The following CLEC16A variants were observed in gnomAD, a reference collection of about 807,000 sequenced individuals.
The protein encoded by CLEC16A is C-type lectin domain containing 16A.
In CLEC16A, 51 loss-of-function variants were observed where a neutral mutation model predicts 109.5. That is an observed-to-expected ratio of 0.47 (90% CI 0.37 to 0.59). CLEC16A has a LOEUF of 0.59. Ranked by LOEUF, CLEC16A falls within the 20% of genes least tolerant of loss-of-function variation. The pLI is 0.00. For synonymous variants in CLEC16A, 673 were observed against 564.2 expected, an observed-to-expected ratio of 1.19 and a Z score of -2.73; for missense variants, 1,339 against 1,394.0, an observed-to-expected ratio of 0.96 and a Z score of 0.63.
intron 12 of CLEC16A, among the ~76,000 whole-genome samples, chr16:11,022,826 G>A (rs1314997166): frequency 6.6e-6 from 1 of 150,430 alleles, no homozygotes; most frequent in African/African-American, 2.4e-5. Flanking sequence ...GTGAACCCGG[G>A]AGGCAGAGCT....
chr16:11,097,128 C>T (rs1165749191), intron 19 of CLEC16A, among the ~76,000 whole-genome samples: 2 of 152,194 alleles, frequency 1.3e-5, no homozygotes, highest in Non-Finnish European at 2.9e-5. Flanking sequence ...TCTCTACACC[C>T]AACCATGAGA....
intron 11 of CLEC16A, among the ~76,000 whole-genome samples, chr16:11,007,820 G>A (rs1257030283): frequency 6.6e-6 from 1 of 152,098 alleles, no homozygotes; most frequent in Non-Finnish European, 1.5e-5. Flanking sequence ...ATGTATGTGT[G>A]TGTGTAATGG....
Position 10,972,693 on chromosome 16 carries a change from T to C in CLEC16A, c.604+134T>C. On this transcript the variant is annotated intron_variant, in intron 6 of 23. Transcript: ENST00000409790. ...ATAAGTAGGCTCTCCCATGCACCAT[T>C]AATGTTTAGCCCAACTAATTTATTT... 3.4e-6 allele frequency: 3 copies of C among 885,506 alleles called. No individual in the cohort carries two copies. The East Asian group carries it at 7.8e-5, about 23-fold the overall frequency. The allele number at this position is 885,506 out of a possible 1,614,324, so 54.9% of individuals were successfully genotyped here.
chr16:11,151,412 A>G lies in CLEC16A; in HGVS notation c.2642-14976A>G, dbSNP rs114082350. Among the ~76,000 whole-genome samples the G allele has an allele frequency of 8.7e-3, 1,325 of 151,876 alleles. 21 individuals are homozygous for G. The highest frequency in any genetic ancestry group is 0.03 in the African/African-American group (1,254 of 41,392). ...CTTCATTCACCTGGGCTCTCAGATG[A>G]CTCCTGCCCAGTGCTCCAGGCTGAA... On this transcript the variant is annotated intron_variant, in intron 22 of 23. Transcript: ENST00000409790.
At chr16:10,989,090 A>G (rs962675268) in intron 10 of CLEC16A, among the ~76,000 whole-genome samples, 2 of 152,160 alleles carry the variant, frequency 1.3e-5, no homozygotes, top group South Asian at 4.1e-4. Context: ...TGAAACACCA[A>G]TGTTAGCCAT....
intron 19 of CLEC16A, among the ~76,000 whole-genome samples, chr16:11,083,977 GC>G (rs1162197297): frequency 1.3e-5 from 2 of 152,144 alleles, no homozygotes; most frequent in African/African-American, 4.8e-5. Flanking sequence ...CTCTGTCCCA[GC>G]CCCCCATTGC....
At chr16:11,154,657 G>A (rs1340388344) in intron 22 of CLEC16A, among the ~76,000 whole-genome samples, 1 of 152,234 alleles carries the variant, frequency 6.6e-6, no homozygotes, top group African/African-American at 2.4e-5. Context: ...AGGCGTGGGG[G>A]CTCACATCTG....
intron 19 of CLEC16A, among the ~76,000 whole-genome samples, chr16:11,081,070 G>A (rs2049685651): frequency 6.6e-6 from 1 of 152,224 alleles, no homozygotes; most frequent in East Asian, 1.9e-4. Flanking sequence ...GAGGAAGCCT[G>A]GAGAACTAAG....
In CLEC16A at chr16:11,121,879, C is replaced by CAAA. The variant is rs536067685; in HGVS notation, c.2268+1139_2268+1141dup. On this transcript the variant is annotated intron_variant, in intron 20 of 23. Coordinates refer to ENST00000409790, the MANE Select transcript of CLEC16A (RefSeq NM_015226.3). ...TGGGCGGCAGAGTGAGACCCTGTCT[C>CAAA]AAAAAAAAAAAAAAAAAAAAAAAAA... 1.4e-3 allele frequency among the ~76,000 whole-genome samples: 42 copies of CAAA among 29,804 alleles called. 6 individuals carry two copies. Among genetic ancestry groups the CAAA allele is most frequent in the African/African-American group, 3.3e-3 (22 of 6,724 alleles). The allele number at this position is 29,804 out of a possible 152,430, so 19.6% of individuals were successfully genotyped here.
intron 13 of CLEC16A, chr16:11,027,544 A>G: frequency 6.4e-7 from 1 of 1,557,864 alleles, no homozygotes; most frequent in South Asian, 1.1e-5. Context: ...ACAGTGATTG[A>G]GGAGCACCTG....
rs773061498 is a variant in CLEC16A at position 11,003,177 on chromosome 16, A to G, written c.1175A>G (p.Asn392Ser). The G allele has an allele frequency of 4.3e-6, 7 of 1,613,660 alleles. No homozygotes were observed. The East Asian group carries it at 1.3e-4, about 31-fold the overall frequency. Residue 392 changes from asparagine to serine, a missense_variant, in exon 11 of 24, where the codon AAC becomes AGC. Asn to Ser is a conservative substitution (Grantham distance 46). Around this residue, in one of 3 missense-constraint regions of CLEC16A, gnomAD observed 1,061 missense variants for 1,006.8 expected, o/e 1.05. Coordinates refer to ENST00000409790, the MANE Select transcript of CLEC16A (RefSeq NM_015226.3). ...AAGAGGCGGGTGCAAAAGAGACCCA[A>G]CTACAAAAACGTTGGGGAAGAAGAA... ...KGKRRVQKRP[N>S]YKNVGEEEDE...
intron 1 of CLEC16A, among the ~76,000 whole-genome samples, chr16:10,951,631 G>A (rs1167318059): frequency 6.6e-6 from 1 of 152,186 alleles, no homozygotes; most frequent in Non-Finnish European, 1.5e-5. Flanking sequence ...GGGATTAAAC[G>A]AAGCACTCAG....
intron 22 of CLEC16A, among the ~76,000 whole-genome samples, chr16:11,153,996 T>C (rs2054402372): frequency 6.6e-6 from 1 of 152,202 alleles, no homozygotes; most frequent in Non-Finnish European, 1.5e-5. Flanking sequence ...CAACCTTATT[T>C]CTAAGCATTT....
Position 11,178,705 on chromosome 16 carries a change from C to T in CLEC16A, c.*15C>T. The T allele has an allele frequency of 6.9e-7, 1 of 1,457,552 alleles. No homozygotes were observed. The highest frequency in any genetic ancestry group is 1.4e-5 in the South Asian group (1 of 72,160). 90.3% of individuals were successfully genotyped at this position (1,457,552 alleles called of 1,614,324 possible). A position where few individuals can be genotyped will look rare whatever the true frequency, so the allele number is the denominator to read the frequency against. ...CTGAGGACTGAGTCAGTGCCGGGGC[C>T]TCCCTTTGTGTGTGTGGCCCCGCTG... On this transcript the variant is annotated 3_prime_UTR_variant, in exon 24 of 24. Transcript: ENST00000409790. The surrounding 1 kb of genome is among the most constrained non-coding windows in gnomAD (Gnocchi z 6.5).
intron 19 of CLEC16A, among the ~76,000 whole-genome samples, chr16:11,082,103 T>C (rs1431619223): frequency 1.3e-5 from 2 of 152,314 alleles, no homozygotes; most frequent in East Asian, 1.9e-4. Context: ...TGTATGAGAA[T>C]TGAAGTTCTG....
intron 1 of CLEC16A, among the ~76,000 whole-genome samples, chr16:10,957,226 A>G (rs2042031501): frequency 1.3e-5 from 2 of 152,110 alleles, no homozygotes. Context: ...AAGGATTGTG[A>G]GCATTCCAAG....
chr16:11,142,243 T>C (rs199804269), intron 22 of CLEC16A, among the ~76,000 whole-genome samples: 2 of 152,334 alleles, frequency 1.3e-5, no homozygotes, highest in East Asian at 3.9e-4. Context: ...CTCAGTCCAG[T>C]GTCCAGGGAT....
intron 11 of CLEC16A, among the ~76,000 whole-genome samples, chr16:11,014,004 C>T (rs1427939492): frequency 6.6e-6 from 1 of 152,098 alleles, no homozygotes. Context: ...GTTTAGGCTT[C>T]TTCTTTCTCA....
rs372638107 is a variant in CLEC16A, at chr16:11,178,563, C to T, written c.3035C>T (p.Pro1012Leu). ...LSVESLTLVP[P>L]VDPHSLRSLT... ...GTCGAATCGCTGACCCTTGTCCCCC[C>T]AGTTGACCCCCACAGCCTCCGCAGC... Residue 1012 changes from proline (P) to leucine (L), a missense_variant, in exon 24 of 24, where the codon CCA becomes CTA. By Grantham distance (98) the Pro-to-Leu change is moderately conservative (BLOSUM62 -3). Around this residue, in one of 3 missense-constraint regions of CLEC16A, gnomAD observed 1,061 missense variants for 1,006.8 expected, o/e 1.05. Transcript: ENST00000409790. This position sits in a 1 kb window ranked among gnomAD's most constrained non-coding sequence, Gnocchi z 6.5. The T allele has an allele frequency of 1.9e-6, 3 of 1,612,182 alleles. No individual in the cohort carries two copies. Among genetic ancestry groups the T allele is most frequent in the South Asian group, 1.1e-5 (1 of 91,064 alleles).
Sources: allele counts gnomAD v4.1 joint callset (sites outside exome capture counted in the v4.1 genomes callset), GRCh38; gene constraint gnomAD v4.1.1; regional missense constraint gnomAD v4.1.1; non-coding constraint Gnocchi (gnomAD v3.1); transcripts MANE v1.5; gene names NCBI Gene and HGNC (gene_info 2026-07-23, HGNC 2026-07-21).